E2F3: variants seen among roughly 807,000 people sequenced by gnomAD.
E2F3 encodes transcription factor E2F3.
E2F3 carries 11 observed loss-of-function variants against 44.4 expected under a neutral mutation model. The observed-to-expected ratio is 0.25, with a 90% CI of 0.16 to 0.41. E2F3 has a LOEUF of 0.41. E2F3 is among the 10% of genes least tolerant of loss of function. The pLI, the probability that E2F3 is intolerant of heterozygous loss-of-function variation, is 1.00. For synonymous variants in E2F3, 249 were observed against 253.0 expected (o/e 0.98, Z 0.15); for missense variants, 487 against 583.6 (o/e 0.83, Z 1.70).
chr6:20,418,334 CTT>C (rs1759918210), intron 1 of E2F3, among the ~76,000 whole-genome samples: 1 of 152,218 alleles, frequency 6.6e-6, no homozygotes, highest in African/African-American at 2.4e-5. Flanking sequence ...GTGTTGAGCT[CTT>C]TTAAGTCTTG....
chr6:20,435,371 C>A lies in E2F3; in HGVS notation c.393+32746C>A, dbSNP rs112982937. 3.1e-3 allele frequency among the ~76,000 whole-genome samples: 474 copies of A among 152,276 alleles called. 3 individuals carry two copies. The highest frequency in any genetic ancestry group is 0.011 in the African/African-American group (451 of 41,558). ...GGCCTTTTTGATTTGCTAGTGAGAC[C>A]AGAACACTTTAACATACTAAAAGTT... On this transcript the variant is annotated intron_variant, in intron 1 of 6. Transcript: ENST00000346618.
intron 1 of E2F3, among the ~76,000 whole-genome samples, chr6:20,423,989 C>T (rs1760117751): frequency 6.6e-6 from 1 of 151,726 alleles, no homozygotes; most frequent in Non-Finnish European, 1.5e-5. Flanking sequence ...AGGCTGGTCT[C>T]GAACTCCTGA....
intron 1 of E2F3, chr6:20,452,511 A>G (rs1057078055): frequency 6.6e-6 from 1 of 152,114 alleles, no homozygotes; most frequent in Admixed American, 6.5e-5. Context: ...CTGTCAACTT[A>G]ATTAGGGCTG....
At chr6:20,459,936 A>G (rs547148801) in intron 1 of E2F3, among the ~76,000 whole-genome samples, 1 of 152,340 alleles carries the variant, frequency 6.6e-6, no homozygotes, top group African/African-American at 2.4e-5. Flanking sequence ...CCCTGTCTCA[A>G]AAGAAAAAGA....
At chr6:20,419,980 C>T (rs183706474) in intron 1 of E2F3, among the ~76,000 whole-genome samples, 13 of 152,350 alleles carry the variant, frequency 8.5e-5, no homozygotes, top group African/African-American at 3.1e-4. Flanking sequence ...ATTCTTCCTC[C>T]TCAGCCTACT....
rs772648779 is a variant in E2F3, at chr6:20,402,555, G to A, written c.323G>A (p.Ser108Asn). 2 of 1,561,490 alleles carry A rather than the reference G, an allele frequency of 1.3e-6. No homozygotes were observed. Among genetic ancestry groups the A allele is most frequent in the East Asian group, 2.5e-5 (1 of 40,502 alleles). The change falls in exon 1 of 7, where the codon AGC (serine) becomes AAC (asparagine). Residue 108 changes from serine (S) to asparagine (N), a missense_variant. Ser to Asn is a conservative substitution (Grantham distance 46). Around this residue, in one of 3 missense-constraint regions of E2F3, gnomAD observed 238 missense variants for 236.0 expected, o/e 1.01. Transcript: ENST00000346618. The surrounding 1 kb of genome is among the most constrained non-coding windows in gnomAD (Gnocchi z 5.6). ...TACACCACGCCGCACGGACCCTCCA[G>A]CAGAGCCGGGCTGCTGCAGCAGCCA... ...LLYTTPHGPSSRAGLLQQPPA... is the reference protein window; with the variant it reads ...LLYTTPHGPSNRAGLLQQPPA...
At chr6:20,408,485 TG>T (rs35823976) in intron 1 of E2F3, among the ~76,000 whole-genome samples, 1 of 152,232 alleles carries the variant, frequency 6.6e-6, no homozygotes, top group South Asian at 2.1e-4. Context: ...CAACCTTAAC[TG>T]GGGGTCAGTC....
intron 1 of E2F3, among the ~76,000 whole-genome samples, chr6:20,403,019 G>C (rs1352543900): frequency 6.6e-6 from 1 of 152,018 alleles, no homozygotes; most frequent in Non-Finnish European, 1.5e-5. Context: ...AGGGAGTAGT[G>C]AACTGGGGTG....
chr6:20,445,143 T>C, intron 1 of E2F3: 1 of 985,416 alleles, frequency 1.0e-6, no homozygotes, highest in South Asian at 4.7e-5. Context: ...TAAGAATCCC[T>C]AGTGGCAGCA....
chr6:20,445,427 A>G (rs1223857414), intron 1 of E2F3, among the ~76,000 whole-genome samples: 2 of 152,016 alleles, frequency 1.3e-5, no homozygotes, highest in Non-Finnish European at 2.9e-5. Context: ...TTCAGTAGAG[A>G]CGGGGTTTCA....
chr6:20,477,441 C>G (rs1453059113), intron 1 of E2F3, among the ~76,000 whole-genome samples: 2 of 152,088 alleles, frequency 1.3e-5, no homozygotes, highest in Admixed American at 6.6e-5. Flanking sequence ...CCTCATCAGC[C>G]AAGCAGGACT....
chr6:20,459,790 A>C (rs1243265175), intron 1 of E2F3, among the ~76,000 whole-genome samples: 1 of 152,118 alleles, frequency 6.6e-6, no homozygotes, highest in Non-Finnish European at 1.5e-5. Context: ...AAAAATACAC[A>C]AATTAGCCAG....
intron 1 of E2F3, among the ~76,000 whole-genome samples, chr6:20,420,817 A>T (rs547812253): frequency 3.9e-5 from 6 of 152,308 alleles, no homozygotes; most frequent in Non-Finnish European, 7.3e-5. Context: ...ACATAAGAAA[A>T]AATCAAGTTT....
At chr6:20,487,791 G>GT (rs1242005826) in intron 5 of E2F3, among the ~76,000 whole-genome samples, 1 of 152,176 alleles carries the variant, frequency 6.6e-6, no homozygotes, top group East Asian at 1.9e-4. Context: ...CGTACAGCCT[G>GT]TGTCTAGACT....
At chr6:20,452,037 T>C (rs995892111) in intron 1 of E2F3, among the ~76,000 whole-genome samples, 8 of 152,130 alleles carry the variant, frequency 5.3e-5, no homozygotes, top group African/African-American at 1.9e-4. Flanking sequence ...CTCTGCCAGG[T>C]TTCGGTATAA....
intron 1 of E2F3, among the ~76,000 whole-genome samples, chr6:20,426,368 A>G (rs1277835231): frequency 1.3e-5 from 2 of 152,240 alleles, no homozygotes; most frequent in African/African-American, 4.8e-5. Context: ...ATTTTGTATT[A>G]CACAATAGAA....
At chr6:20,470,959 A>C (rs1197666308) in intron 1 of E2F3, among the ~76,000 whole-genome samples, 2 of 152,186 alleles carry the variant, frequency 1.3e-5, no homozygotes, top group Non-Finnish European at 2.9e-5. Flanking sequence ...TTTAACCCCA[A>C]ATGGAAATGA....
rs1262637805 is a variant in E2F3, at chr6:20,476,930, T to A, written c.394-2916T>A. On this transcript the variant is annotated intron_variant, in intron 1 of 6. Transcript: ENST00000346618. ...TGTCCTTCCGGAGCCATTAGAATGATGTTTAACTTAGCACTGCAGTAGAAA... is the reference window on the plus strand; with the variant it reads ...TGTCCTTCCGGAGCCATTAGAATGAAGTTTAACTTAGCACTGCAGTAGAAA... Among the ~76,000 whole-genome samples the A allele has an allele frequency of 2.6e-5, 4 of 152,186 alleles. No homozygotes were observed. In the East Asian group the frequency reaches 7.7e-4, roughly 29 times the overall value.
intron 1 of E2F3, among the ~76,000 whole-genome samples, chr6:20,466,356 G>A (rs1242160581): frequency 6.6e-5 from 10 of 152,028 alleles, no homozygotes; most frequent in Non-Finnish European, 1.5e-4. Flanking sequence ...CCAGTGATCT[G>A]CCTACCTCAG....
Sources: gnomAD v4.1 joint callset for allele counts (sites outside exome capture counted in the v4.1 genomes callset) on GRCh38, gnomAD v4.1.1 for gene constraint, gnomAD v4.1.1 regional missense constraint, Gnocchi (gnomAD v3.1) non-coding constraint, MANE v1.5 for transcripts, NCBI Gene and HGNC (gene_info 2026-07-23, HGNC 2026-07-21) for gene names.